CCDC148: variants seen among roughly 807,000 people sequenced by gnomAD.
CCDC148 encodes coiled-coil domain containing 148.
CCDC148 carries 89 observed loss-of-function variants against 85.7 expected under a neutral mutation model. The observed-to-expected ratio is 1.04, with a 90% confidence interval of 0.87 to 1.24. The LOEUF (loss-of-function observed/expected upper bound fraction) is 1.24. Among genes scored for constraint, CCDC148 ranks in the 50% most tolerant of loss-of-function variants. The pLI is 0.00. For synonymous variants in CCDC148, 230 were observed against 213.9 expected (o/e 1.08, Z -0.66); for missense variants, 692 against 671.7 (o/e 1.03, Z -0.33).
chr2:158,247,310 A>G (rs1366990366), intron 10 of CCDC148, among the ~76,000 whole-genome samples: 2 of 152,214 alleles, frequency 1.3e-5, no homozygotes, highest in Non-Finnish European at 2.9e-5. Flanking sequence ...AATTTATCAA[A>G]TTGACAAAAG....
chr2:158,364,936 A>T (rs1376478689), intron 1 of CCDC148, among the ~76,000 whole-genome samples: 1 of 152,244 alleles, frequency 6.6e-6, no homozygotes, highest in Non-Finnish European at 1.5e-5. Flanking sequence ...TAATATCCTG[A>T]ATCTACAAAG....
At chr2:158,244,541 C>T (rs1180115087) in intron 10 of CCDC148, among the ~76,000 whole-genome samples, 3 of 152,102 alleles carry the variant, frequency 2.0e-5, no homozygotes, top group Non-Finnish European at 4.4e-5. Flanking sequence ...GCCCGGGCCA[C>T]CCTCATCTCC....
chr2:158,450,682 T>C (rs1268050088), intron 1 of CCDC148, among the ~76,000 whole-genome samples: 1 of 152,232 alleles, frequency 6.6e-6, no homozygotes, highest in Non-Finnish European at 1.5e-5. Flanking sequence ...AATTTTACTG[T>C]GATTCCCTTG....
intron 1 of CCDC148, among the ~76,000 whole-genome samples, chr2:158,433,631 A>G (rs1687483686): frequency 1.3e-5 from 2 of 152,270 alleles, no homozygotes; most frequent in South Asian, 4.1e-4. Flanking sequence ...GGCTTGTCAG[A>G]CAGTGGGTGC....
At chr2:158,413,871 C>T (rs1686376152) in intron 1 of CCDC148, among the ~76,000 whole-genome samples, 1 of 152,038 alleles carries the variant, frequency 6.6e-6, no homozygotes, top group African/African-American at 2.4e-5. Flanking sequence ...TTTAATCTTT[C>T]AAATTTTTAT....
intron 1 of CCDC148, among the ~76,000 whole-genome samples, chr2:158,396,222 A>AT (rs1685516346): frequency 6.6e-6 from 1 of 152,160 alleles, no homozygotes; most frequent in Non-Finnish European, 1.5e-5. Flanking sequence ...TAATTGAGAA[A>AT]TATTATATAA....
chr2:158,232,981 T>C (rs1344619502), intron 10 of CCDC148, among the ~76,000 whole-genome samples: 1 of 152,158 alleles, frequency 6.6e-6, no homozygotes, highest in Non-Finnish European at 1.5e-5. Context: ...TAATCACAAT[T>C]CATTGTATCT....
chr2:158,456,314 G>A, intron 1 of CCDC148, 101 bp downstream of exon 1: 1 of 1,193,944 alleles, frequency 8.4e-7, no homozygotes, highest in Non-Finnish European at 1.2e-6. Flanking sequence ...ATCCACCCCA[G>A]GGAAGGGGGA....
At position 158,209,850 on chromosome 2, in the gene CCDC148, T is replaced by C. The variant is rs890784301; in HGVS notation, c.1370+10745A>G. Among the ~76,000 whole-genome samples, 11 of 149,492 alleles carry C rather than the reference T, an allele frequency of 7.4e-5. 1 individual carries two copies. The highest frequency in any genetic ancestry group is 4.6e-4 in the Admixed American group (7 of 15,104). ...GAAAGAAAAAACCGGTACCAGCCAC[T>C]GCAAAAACATACCAAATTGTAGACC... On this transcript the variant is annotated intron_variant, in intron 11 of 13. Coordinates refer to ENST00000283233, the MANE Select transcript of CCDC148 (RefSeq NM_138803.4).
intron 9 of CCDC148, among the ~76,000 whole-genome samples, chr2:158,274,965 C>T (rs1030987812): frequency 4.6e-5 from 7 of 152,248 alleles, no homozygotes; most frequent in Admixed American, 1.3e-4. Context: ...CAGAGTCACA[C>T]GGATTTATAT....
intron 9 of CCDC148, among the ~76,000 whole-genome samples, chr2:158,258,633 T>C (rs1689100087): frequency 6.6e-6 from 1 of 151,806 alleles, no homozygotes; most frequent in Non-Finnish European, 1.5e-5. Context: ...TGACACTCCA[T>C]GTATCCAAGT....
At chr2:158,313,096 G>C (rs1692113519) in intron 8 of CCDC148, among the ~76,000 whole-genome samples, 2 of 152,204 alleles carry the variant, frequency 1.3e-5, no homozygotes, top group South Asian at 4.1e-4. Context: ...ATGTTATAAG[G>C]TGAGTTATTG....
At chr2:158,388,895 A>T (rs994209066) in intron 1 of CCDC148, among the ~76,000 whole-genome samples, 2 of 152,230 alleles carry the variant, frequency 1.3e-5, no homozygotes, top group Non-Finnish European at 2.9e-5. Flanking sequence ...CTGGTGTCAA[A>T]AATATCATCT....
chr2:158,259,419 A>G (rs900394263), intron 9 of CCDC148, among the ~76,000 whole-genome samples: 5 of 151,908 alleles, frequency 3.3e-5, no homozygotes, highest in African/African-American at 1.2e-4. Context: ...GGCACCTGAT[A>G]GATGCTCAAT....
chr2:158,221,566 G>A (rs1013413936), intron 10 of CCDC148, among the ~76,000 whole-genome samples: 2 of 152,168 alleles, frequency 1.3e-5, no homozygotes, highest in African/African-American at 4.8e-5. Context: ...TGGCAGCAGG[G>A]GGTCTGTTGT....
At chr2:158,268,922 C>T (rs1689584831) in intron 9 of CCDC148, among the ~76,000 whole-genome samples, 1 of 152,138 alleles carries the variant, frequency 6.6e-6, no homozygotes, top group South Asian at 2.1e-4. Flanking sequence ...TGGCTGAATA[C>T]TATTCTGTTG....
intron 1 of CCDC148, among the ~76,000 whole-genome samples, chr2:158,450,658 A>G (rs1255176498): frequency 6.6e-6 from 1 of 152,184 alleles, no homozygotes; most frequent in East Asian, 1.9e-4. Flanking sequence ...GTTTCTAATG[A>G]GAGGTCAGCT....
At chr2:158,310,545 G>A (rs1200322671) in intron 8 of CCDC148, among the ~76,000 whole-genome samples, 1 of 151,598 alleles carries the variant, frequency 6.6e-6, no homozygotes, top group Non-Finnish European at 1.5e-5. Flanking sequence ...GCCAGGTAGA[G>A]GCGCCCCCCA....
intron 9 of CCDC148, among the ~76,000 whole-genome samples, chr2:158,306,645 A>T (rs1485555734): frequency 6.8e-6 from 1 of 146,814 alleles, no homozygotes; most frequent in East Asian, 2.2e-4. Context: ...ACTTGGACAC[A>T]GGAAGGGGAA....
Sources: allele counts gnomAD v4.1 joint callset (sites outside exome capture counted in the v4.1 genomes callset), GRCh38; gene constraint gnomAD v4.1.1; transcripts MANE v1.5; gene names NCBI Gene and HGNC (gene_info 2026-07-23, HGNC 2026-07-21).